The following TBC1D9 variants were observed in gnomAD, a reference collection of about 807,000 sequenced individuals.
TBC1D9 encodes TBC1 domain family member 9A.
A neutral mutation model predicts 132.0 loss-of-function variants in TBC1D9; 63 were observed. The observed-to-expected ratio is 0.48, with a 90% CI of 0.39 to 0.59. The LOEUF (loss-of-function observed/expected upper bound fraction) is 0.59. Ranked by LOEUF, TBC1D9 falls within the 20% of genes least tolerant of loss-of-function variation. The pLI, the probability that TBC1D9 is intolerant of heterozygous loss-of-function variation, is 0.00. For synonymous variants in TBC1D9, 610 were observed against 609.9 expected (o/e 1.00, Z 0.00); for missense variants, 1,261 against 1,592.7 (o/e 0.79, Z 3.54).
At chr4:140,726,426 C>A (rs142211311) in intron 1 of TBC1D9, among the ~76,000 whole-genome samples, 1 of 152,110 alleles carries the variant, frequency 6.6e-6, no homozygotes, top group Non-Finnish European at 1.5e-5. Context: ...GGTCAACATG[C>A]GCAAACTTTT....
In TBC1D9 at chr4:140,677,771, C is replaced by T. The variant is rs144674827; in HGVS notation, c.852-670G>A. Among the ~76,000 whole-genome samples, 985 of 152,234 alleles carry T rather than the reference C, an allele frequency of 6.5e-3. 13 individuals carry two copies. Among genetic ancestry groups the T allele is most frequent in the South Asian group, 0.044 (212 of 4,812 alleles). On this transcript the variant is annotated intron_variant, in intron 5 of 20. Coordinates refer to ENST00000442267, the MANE Select transcript of TBC1D9 (RefSeq NM_015130.3). Reference sequence around the variant, plus strand: ...ATGATGCAGAAGCCCCCTCCAATTCCTTCCCTTCTGTCTCCAAAGTCACCT... The same window carrying T: ...ATGATGCAGAAGCCCCCTCCAATTCTTTCCCTTCTGTCTCCAAAGTCACCT...
chr4:140,634,200 TG>T lies in TBC1D9; in HGVS notation c.2506-13del, dbSNP rs549470760. The T allele has an allele frequency of 1.2e-4, 201 of 1,608,558 alleles. No homozygotes were observed. The South Asian group carries it at 2.1e-3, about 17-fold the overall frequency. On this transcript the variant is annotated splice_polypyrimidine_tract_variant and intron_variant, in intron 15 of 20. Coordinates refer to ENST00000442267, the MANE Select transcript of TBC1D9 (RefSeq NM_015130.3). ...GTGAGATGTTCTGCCTGAAAAAGAA[TG>T]GATGATCACTGGGGACCCTCTTTTG...
intron 3 of TBC1D9, among the ~76,000 whole-genome samples, chr4:140,683,472 C>T (rs927738764): frequency 6.6e-6 from 1 of 152,202 alleles, no homozygotes; most frequent in African/African-American, 2.4e-5. Flanking sequence ...CCAGGTTCTA[C>T]AGGTTTTTCT....
chr4:140,642,716 C>A (rs1366778505), intron 13 of TBC1D9: 1 of 656,434 alleles, frequency 1.5e-6, no homozygotes, highest in Non-Finnish European at 2.7e-6. Flanking sequence ...CTCCTTGGGC[C>A]CTTTGTGTCT....
chr4:140,649,138 T>C (rs1365094851), intron 13 of TBC1D9, among the ~76,000 whole-genome samples: 1 of 152,228 alleles, frequency 6.6e-6, no homozygotes, highest in Non-Finnish European at 1.5e-5. Context: ...ACTTGAAATA[T>C]TTAAATGCTA....
At chr4:140,642,190 C>A in intron 13 of TBC1D9, 1 of 759,284 alleles carries the variant, frequency 1.3e-6, no homozygotes, top group Non-Finnish European at 2.4e-6. Context: ...TTGGAGCTAG[C>A]CGGAGGGGCC....
chr4:140,700,040 C>G (rs1738039776), intron 2 of TBC1D9, among the ~76,000 whole-genome samples: 1 of 152,086 alleles, frequency 6.6e-6, no homozygotes, highest in Non-Finnish European at 1.5e-5. Flanking sequence ...CTCATGCTTG[C>G]AATCCCTTTA....
chr4:140,643,084 C>T (rs1006683179), intron 13 of TBC1D9: 64 of 1,356,210 alleles, frequency 4.7e-5, no homozygotes, highest in Admixed American at 1.0e-4. Context: ...TTATTGTGGG[C>T]TTCAGCTCCC....
intron 13 of TBC1D9, among the ~76,000 whole-genome samples, chr4:140,648,535 G>C (rs1222970890): frequency 6.6e-6 from 1 of 151,844 alleles, no homozygotes. Context: ...ACAGGCATGT[G>C]CCACTACGCC....
chr4:140,643,871 G>T, intron 13 of TBC1D9: 1 of 724,606 alleles, frequency 1.4e-6, no homozygotes. Context: ...GGGTAGCCAT[G>T]GTTTCCATGG....
chr4:140,623,738 GT>G (rs917345593), intron 20 of TBC1D9, among the ~76,000 whole-genome samples: 1 of 151,984 alleles, frequency 6.6e-6, no homozygotes, highest in African/African-American at 2.4e-5. Context: ...TATTTATATT[GT>G]TTTTTTCTTC....
At chr4:140,737,762 C>T (rs1459448448) in intron 1 of TBC1D9, among the ~76,000 whole-genome samples, 1 of 152,088 alleles carries the variant, frequency 6.6e-6, no homozygotes. Context: ...ATACTAAATC[C>T]CTGAAAATCG....
At chr4:140,687,302 A>C in intron 2 of TBC1D9, among the ~76,000 whole-genome samples, 1 of 134,470 alleles carries the variant, frequency 7.4e-6, no homozygotes, top group Admixed American at 7.8e-5. Context: ...TATCATATAT[A>C]TGTGTGCCAT....
intron 15 of TBC1D9, among the ~76,000 whole-genome samples, chr4:140,635,909 CG>C (rs1736872512): frequency 1.3e-5 from 2 of 152,224 alleles, no homozygotes; most frequent in South Asian, 4.1e-4. Flanking sequence ...GTACTCTGAA[CG>C]AGCATGAGTG....
chr4:140,664,803 A>C (rs956052881), intron 9 of TBC1D9, among the ~76,000 whole-genome samples: 3 of 152,064 alleles, frequency 2.0e-5, no homozygotes, highest in African/African-American at 7.2e-5. Context: ...CCTGCATCTC[A>C]CACCACATAA....
intron 2 of TBC1D9, among the ~76,000 whole-genome samples, chr4:140,693,002 T>C (rs1737900256): frequency 6.6e-6 from 1 of 151,652 alleles, no homozygotes. Flanking sequence ...CCTGGCTTGC[T>C]CCACTCCAGA....
chr4:140,639,196 A>G, intron 14 of TBC1D9, 42 bp from the exon 15 acceptor site: 1 of 1,517,262 alleles, frequency 6.6e-7, no homozygotes, highest in Non-Finnish European at 9.0e-7. Context: ...AAACTCAAAA[A>G]GTGCCATGCT....
intron 1 of TBC1D9, among the ~76,000 whole-genome samples, chr4:140,715,004 C>A (rs949178351): frequency 6.6e-6 from 1 of 152,078 alleles, no homozygotes; most frequent in African/African-American, 2.4e-5. Context: ...CACCTATAGC[C>A]CTAGCTACTC....
intron 2 of TBC1D9, among the ~76,000 whole-genome samples, chr4:140,687,012 C>G (rs900964274): frequency 1.3e-5 from 2 of 152,056 alleles, no homozygotes; most frequent in Non-Finnish European, 2.9e-5. Context: ...CTCATTAGCA[C>G]AGTTGCCTTG....
Sources: allele counts gnomAD v4.1 joint callset (sites outside exome capture counted in the v4.1 genomes callset), GRCh38; gene constraint gnomAD v4.1.1; transcripts MANE v1.5; gene names NCBI Gene and HGNC (gene_info 2026-07-23, HGNC 2026-07-21).